Variants in KATNA1 observed in about 807,000 individuals in gnomAD.
The protein encoded by KATNA1 is katanin catalytic subunit A1.
In KATNA1, 42 loss-of-function variants were observed where a neutral mutation model predicts 62.6. The ratio of observed to expected loss-of-function variants is 0.67; its 90% CI spans 0.52 to 0.87. The LOEUF is 0.87. Ranked by LOEUF, KATNA1 falls within the 40% of genes least tolerant of loss-of-function variation. The pLI is 0.00. For missense variants in KATNA1, 498 were observed against 612.5 expected, an observed-to-expected ratio of 0.81 and a Z score of 1.97; for synonymous variants, 186 against 201.9, an observed-to-expected ratio of 0.92 and a Z score of 0.67.
intron 4 of KATNA1, among the ~76,000 whole-genome samples, chr6:149,611,979 G>A (rs1025519445): frequency 3.9e-5 from 6 of 151,956 alleles, no homozygotes; most frequent in Middle Eastern, 3.2e-3. Context: ...CAGCCTGGGC[G>A]ACAAAGCGAG....
At chr6:149,632,608 G>A in intron 3 of KATNA1, 151 bp downstream of exon 3, 1 of 550,268 alleles carries the variant, frequency 1.8e-6, no homozygotes, top group Non-Finnish European at 3.1e-6. Context: ...AAAGGCACAA[G>A]GTTCAAGACC....
chr6:149,620,172 ACTAGAGG>A (rs1388215247), intron 4 of KATNA1, among the ~76,000 whole-genome samples: 1 of 152,196 alleles, frequency 6.6e-6, no homozygotes, highest in African/African-American at 2.4e-5. Flanking sequence ...AATAATGGTT[ACTAGAGG>A]CTGGGATGGG....
At chr6:149,645,395 C>A (rs1037136437) in intron 1 of KATNA1, among the ~76,000 whole-genome samples, 1 of 151,164 alleles carries the variant, frequency 6.6e-6, no homozygotes, top group South Asian at 2.1e-4. Context: ...GTGAGCCAAG[C>A]TCGCGCCACT....
chr6:149,596,534 CAAAAA>C (rs973695493), intron 10 of KATNA1, among the ~76,000 whole-genome samples: 12 of 151,094 alleles, frequency 7.9e-5, no homozygotes, highest in Non-Finnish European at 1.8e-4. Flanking sequence ...GACTCCGTCT[CAAAAA>C]ACAAAACAAA....
At chr6:149,620,518 T>C (rs1056015759) in intron 4 of KATNA1, among the ~76,000 whole-genome samples, 1 of 152,144 alleles carries the variant, frequency 6.6e-6, no homozygotes, top group African/African-American at 2.4e-5. Flanking sequence ...GGTCTCGAAC[T>C]CCTGACCTCA....
chr6:149,603,387 C>T lies in KATNA1; in HGVS notation c.624-14G>A. 2 of 1,301,782 alleles carry T rather than the reference C, an allele frequency of 1.5e-6. No homozygotes were observed. Among genetic ancestry groups the T allele is most frequent in the South Asian group, 1.2e-5 (1 of 82,184 alleles). 80.6% of individuals were successfully genotyped at this position (1,301,782 alleles called of 1,614,324 possible). A position where few individuals can be genotyped will look rare whatever the true frequency, so the allele number is the denominator to read the frequency against. The stretch of plus-strand genomic sequence containing the variant: ...GCGATATCATCCCTGAAAGAGAAGA[C>T]ATTTTATTAACAACCCTTTAGATGA... On this transcript the variant is annotated splice_polypyrimidine_tract_variant and intron_variant, in intron 5 of 10. Coordinates refer to ENST00000367411, the MANE Select transcript of KATNA1 (RefSeq NM_007044.4).
intron 3 of KATNA1, among the ~76,000 whole-genome samples, chr6:149,630,817 C>T (rs1199527838): frequency 1.3e-5 from 2 of 151,922 alleles, no homozygotes; most frequent in Non-Finnish European, 2.9e-5. Flanking sequence ...GGAGTGATGC[C>T]CCTAAATCCA....
At chr6:149,622,493 A>G (rs1407815842) in intron 4 of KATNA1, among the ~76,000 whole-genome samples, 2 of 152,170 alleles carry the variant, frequency 1.3e-5, no homozygotes, top group Non-Finnish European at 2.9e-5. Flanking sequence ...GCATAATATT[A>G]ATAATTGGTA....
intron 2 of KATNA1, among the ~76,000 whole-genome samples, chr6:149,636,608 T>G (rs1780071787): frequency 6.6e-6 from 1 of 151,782 alleles, no homozygotes; most frequent in African/African-American, 2.4e-5. Flanking sequence ...AGGTATAATA[T>G]TCTATCTAGA....
Position 149,594,939 on chromosome 6 carries a change from A to T in KATNA1, c.*97T>A. On this transcript the variant is annotated 3_prime_UTR_variant, in exon 11 of 11. Transcript: ENST00000367411. ...GTTTTTTTAAAAAAATCTTACCATT[A>T]TGAAAGTTAAAAAAAATATAGCACT... 1.1e-6 allele frequency: 1 copy of T among 920,730 alleles called. No individual in the cohort carries two copies. Among genetic ancestry groups the T allele is most frequent in the East Asian group, 2.6e-5 (1 of 38,138 alleles). The allele number at this position is 920,730 out of a possible 1,614,324, so 57.0% of individuals were successfully genotyped here.
At chr6:149,618,013 G>A (rs1779244866) in intron 4 of KATNA1, among the ~76,000 whole-genome samples, 1 of 146,010 alleles carries the variant, frequency 6.8e-6, no homozygotes, top group African/African-American at 2.5e-5. Context: ...AAATTAGCTG[G>A]GCATGGTGGC....
chr6:149,609,178 A>C (rs139832617), intron 4 of KATNA1, among the ~76,000 whole-genome samples: 1 of 152,308 alleles, frequency 6.6e-6, no homozygotes, highest in East Asian at 1.9e-4. Flanking sequence ...ATAGCCTCAG[A>C]AACAAATAGA....
chr6:149,633,358 A>G (rs1481149492), intron 2 of KATNA1, among the ~76,000 whole-genome samples: 1 of 152,018 alleles, frequency 6.6e-6, no homozygotes, highest in Non-Finnish European at 1.5e-5. Flanking sequence ...CCACCCGCCT[A>G]GGCCTCCCAA....
chr6:149,595,277 C>T, intron 10 of KATNA1, 43 bp from the exon 11 acceptor site: 1 of 1,539,536 alleles, frequency 6.5e-7, no homozygotes, highest in Non-Finnish European at 8.9e-7. Flanking sequence ...CACAATGTTA[C>T]TTTGGTTAAA....
chr6:149,610,170 C>T (rs889114865), intron 4 of KATNA1, among the ~76,000 whole-genome samples: 1 of 149,150 alleles, frequency 6.7e-6, no homozygotes, highest in African/African-American at 2.5e-5. Context: ...TGTGGTAGCA[C>T]ACATCTGTAG....
intron 2 of KATNA1, among the ~76,000 whole-genome samples, chr6:149,635,471 T>G (rs1780032215): frequency 6.6e-6 from 1 of 152,036 alleles, no homozygotes; most frequent in Non-Finnish European, 1.5e-5. Flanking sequence ...TTTGGGAGGC[T>G]GAGGAGGGCA....
intron 1 of KATNA1, among the ~76,000 whole-genome samples, chr6:149,646,272 C>CTAATA (rs773575771): frequency 6.6e-6 from 1 of 151,998 alleles, no homozygotes; most frequent in Non-Finnish European, 1.5e-5. Context: ...AGAAGACAAA[C>CTAATA]ATAGAATATT....
intron 8 of KATNA1, chr6:149,598,007 T>A (rs9322193): frequency 1.9e-6 from 1 of 521,714 alleles, no homozygotes; most frequent in Admixed American, 3.6e-5. Flanking sequence ...GTGCCCTGTG[T>A]GTGGCCATTA....
intron 7 of KATNA1, among the ~76,000 whole-genome samples, chr6:149,598,853 A>G (rs1187340881): frequency 1.3e-5 from 2 of 152,002 alleles, no homozygotes; most frequent in Non-Finnish European, 2.9e-5. Context: ...CTTCTAATGA[A>G]CCGTTTTTTA....
Sources: gnomAD v4.1 joint callset for allele counts (sites outside exome capture counted in the v4.1 genomes callset) on GRCh38, gnomAD v4.1.1 for gene constraint, MANE v1.5 for transcripts, NCBI Gene and HGNC (gene_info 2026-07-23, HGNC 2026-07-21) for gene names.